The following C10orf90 variants were observed in gnomAD, a reference collection of about 807,000 sequenced individuals.
C10orf90 encodes the protein (E2-independent) E3 ubiquitin-conjugating enzyme FATS.
Under a neutral mutation model 62.5 loss-of-function variants are expected in C10orf90, and 56 were observed. That is an observed-to-expected ratio of 0.90 (90% CI 0.72 to 1.12). The LOEUF is 1.12. Ranked by LOEUF, C10orf90 falls within the 50% of genes most tolerant of loss-of-function variation. The pLI is 0.00. For synonymous variants in C10orf90, 386 were observed against 340.4 expected (o/e 1.13, Z -1.47); for missense variants, 970 against 880.4 (o/e 1.10, Z -1.29).
intron 7 of C10orf90, among the ~76,000 whole-genome samples, chr10:126,442,351 GA>G (rs1254175083): frequency 6.7e-6 from 1 of 148,448 alleles, no homozygotes; most frequent in East Asian, 2.0e-4. Flanking sequence ...CCAATTTTAG[GA>G]AAATATCACA....
At chr10:126,498,213 T>C (rs4246193) in intron 4 of C10orf90, among the ~76,000 whole-genome samples, 77,077 of 151,954 alleles carry the variant, frequency 0.51, 20,805 homozygotes, top group African/African-American at 0.7. Context: ...GTTAGGCACA[T>C]GGGCAGGCCC....
chr10:126,520,281 C>A (rs1389927491), intron 2 of C10orf90: 1 of 152,274 alleles, frequency 6.6e-6, no homozygotes, highest in African/African-American at 2.4e-5. Flanking sequence ...TCCTGCCAAA[C>A]CTTCTTGACA....
chr10:126,621,900 CTT>C (rs1271200356), intron 2 of C10orf90, among the ~76,000 whole-genome samples: 4 of 152,196 alleles, frequency 2.6e-5, no homozygotes, highest in African/African-American at 9.6e-5. Flanking sequence ...TGCACTCTCT[CTT>C]GTTTCATGGT....
intron 4 of C10orf90, among the ~76,000 whole-genome samples, chr10:126,480,924 C>T (rs74158272): frequency 0.021 from 3,171 of 152,246 alleles, 128 homozygotes; most frequent in African/African-American, 0.073. Flanking sequence ...GGCTTTTCCT[C>T]CCACCTAAAA....
chr10:126,481,520 G>C, intron 4 of C10orf90, among the ~76,000 whole-genome samples: 1 of 152,242 alleles, frequency 6.6e-6, no homozygotes, highest in East Asian at 1.9e-4. Context: ...GTTTGAGACA[G>C]AGTCCACATC....
chr10:126,570,306 G>A (rs1210966537), intron 2 of C10orf90, among the ~76,000 whole-genome samples: 2 of 152,250 alleles, frequency 1.3e-5, no homozygotes, highest in African/African-American at 4.8e-5. Flanking sequence ...CTGGCACACA[G>A]TGGACTTTAC....
chr10:126,646,227 C>G (rs1393036390), intron 2 of C10orf90, among the ~76,000 whole-genome samples: 3 of 152,196 alleles, frequency 2.0e-5, no homozygotes, highest in Non-Finnish European at 2.9e-5. Flanking sequence ...CCACTTTGTT[C>G]TGAGAATATT....
chr10:126,457,553 C>T (rs1859664649), intron 7 of C10orf90, among the ~76,000 whole-genome samples: 1 of 152,208 alleles, frequency 6.6e-6, no homozygotes, highest in South Asian at 2.1e-4. Context: ...AGGAAGCCCT[C>T]CGTGCCATTT....
intron 2 of C10orf90, among the ~76,000 whole-genome samples, chr10:126,552,451 C>T (rs1864657527): frequency 6.6e-6 from 1 of 152,216 alleles, no homozygotes; most frequent in Non-Finnish European, 1.5e-5. Context: ...TGAGGAAACA[C>T]AGCTGCAATG....
chr10:126,595,934 C>T (rs1008601814), intron 2 of C10orf90, among the ~76,000 whole-genome samples: 1 of 151,952 alleles, frequency 6.6e-6, no homozygotes, highest in African/African-American at 2.4e-5. Flanking sequence ...TCAGCCTGTA[C>T]CTCACACCAC....
chr10:126,512,264 G>C (rs1863151122), intron 3 of C10orf90: 1 of 37,042 alleles, frequency 2.7e-5, no homozygotes, highest in African/African-American at 1.1e-4. Context: ...AAAGGGGCGA[G>C]AGAGAGAGAG....
At chr10:126,520,268 C>G (rs189554517) in intron 2 of C10orf90, 1 of 152,276 alleles carries the variant, frequency 6.6e-6, no homozygotes, top group African/African-American at 2.4e-5. Context: ...ATCTCCCAGC[C>G]GGTCCTGCCA....
At chr10:126,600,180 C>T (rs1029438247) in intron 2 of C10orf90, among the ~76,000 whole-genome samples, 4 of 152,062 alleles carry the variant, frequency 2.6e-5, no homozygotes, top group East Asian at 1.9e-4. Flanking sequence ...TGTGTGCACA[C>T]GTGTGTGTGC....
intron 1 of C10orf90, among the ~76,000 whole-genome samples, chr10:126,648,331 G>T (rs1055518400): frequency 3.3e-5 from 5 of 152,208 alleles, no homozygotes; most frequent in Non-Finnish European, 5.9e-5. Flanking sequence ...GAGGGAGGAA[G>T]AAGCAAGAAG....
At chr10:126,636,624 T>C (rs1459177549) in intron 2 of C10orf90, among the ~76,000 whole-genome samples, 1 of 152,224 alleles carries the variant, frequency 6.6e-6, no homozygotes, top group Non-Finnish European at 1.5e-5. Context: ...CCTTTTCTGC[T>C]GGGAAGCTGG....
At chr10:126,511,299 C>T (rs533568743) in intron 3 of C10orf90, among the ~76,000 whole-genome samples, 2 of 152,270 alleles carry the variant, frequency 1.3e-5, no homozygotes, top group South Asian at 4.1e-4. Context: ...CAACTCACTG[C>T]AGTGTGATAT....
chr10:126,484,391 A>G (rs1355837486), intron 4 of C10orf90, among the ~76,000 whole-genome samples: 1 of 152,212 alleles, frequency 6.6e-6, no homozygotes, highest in African/African-American at 2.4e-5. Flanking sequence ...TAATGATGTA[A>G]AAGAGTTAAT....
In C10orf90 at chr10:126,565,462, A is replaced by T. The variant is rs1215419009; in HGVS notation, c.314-51523T>A. Among the ~76,000 whole-genome samples the T allele has an allele frequency of 8.8e-5, 10 of 113,336 alleles. 1 individual carries two copies. In the South Asian group the frequency reaches 2.7e-3, roughly 30 times the overall value. 74.4% of individuals were successfully genotyped at this position (113,336 alleles called of 152,430 possible). ...TACACACACACACACACACACACAA[A>T]CTTGTGCATCAGTCAATTTGCTGTC... On this transcript the variant is annotated intron_variant, in intron 2 of 9. Transcript: ENST00000488181.
chr10:126,595,712 G>T (rs1845070638), intron 2 of C10orf90, among the ~76,000 whole-genome samples: 1 of 152,062 alleles, frequency 6.6e-6, no homozygotes, highest in Non-Finnish European at 1.5e-5. Flanking sequence ...TGTTAGATGT[G>T]AAACTCTGTA....
Sources: allele counts gnomAD v4.1 joint callset (sites outside exome capture counted in the v4.1 genomes callset), GRCh38; gene constraint gnomAD v4.1.1; transcripts MANE v1.5; gene names NCBI Gene and HGNC (gene_info 2026-07-23, HGNC 2026-07-21).